Variants in RAB38 observed in about 807,000 individuals in gnomAD.
The protein encoded by RAB38 is ras-related protein Rab-38.
RAB38 carries 15 observed loss-of-function variants against 18.4 expected under a neutral mutation model. That is an observed-to-expected ratio of 0.82 (90% confidence interval 0.55 to 1.26). The LOEUF (loss-of-function observed/expected upper bound fraction) is 1.26, where lower values mean the gene tolerates loss of function less well. RAB38 is among the 50% of genes most tolerant of loss of function. The probability of loss-of-function intolerance (pLI) is 0.00; values close to 1 mark genes in which losing one functional copy is unlikely to be tolerated. For synonymous variants in RAB38, 101 were observed against 104.4 expected, an observed-to-expected ratio of 0.97 and a Z score of 0.20; for missense variants, 294 against 267.4, an observed-to-expected ratio of 1.10 and a Z score of -0.69.
chr11:88,039,892 T>C, the RAB38 span, among the ~76,000 whole-genome samples: 3 of 152,318 alleles, frequency 2.0e-5, no homozygotes, highest in African/African-American at 7.2e-5. Context: ...ATGTCTTTGC[T>C]GCATCTGATC....
In RAB38 at chr11:88,114,816, T is replaced by C. The variant is rs990830393; in HGVS notation, c.484-676A>G. ...ATAAGGTCTGTGAGTGAGAATCAAG[T>C]AGAGGCAAGTATCCCAATCAGCCCA... On this transcript the variant is annotated intron_variant, in intron 2 of 2. Transcript: ENST00000243662. 5.9e-5 allele frequency among the ~76,000 whole-genome samples: 9 copies of C among 152,312 alleles called. 1 individual carries two copies. Among genetic ancestry groups the C allele is most frequent in the South Asian group, 2.1e-4 (1 of 4,818 alleles).
At chr11:87,887,294 G>T in the RAB38 span, among the ~76,000 whole-genome samples, 1 of 151,640 alleles carries the variant, frequency 6.6e-6, no homozygotes, top group South Asian at 2.1e-4. Context: ...AAGGCTAGAC[G>T]TCTTTAGCAA....
At chr11:88,026,577 A>G in the RAB38 span, among the ~76,000 whole-genome samples, 1 of 150,712 alleles carries the variant, frequency 6.6e-6, no homozygotes, top group Non-Finnish European at 1.5e-5. Context: ...AAAAAAAAAA[A>G]AAAAAAAAAA....
the RAB38 span, among the ~76,000 whole-genome samples, chr11:88,100,577 T>G: frequency 6.6e-6 from 1 of 151,932 alleles, no homozygotes; most frequent in African/African-American, 2.4e-5. Flanking sequence ...TGGGGAAAAT[T>G]TTCATGGCTA....
chr11:87,968,034 C>A, the RAB38 span, among the ~76,000 whole-genome samples: 15,089 of 152,134 alleles, frequency 0.099, 785 homozygotes, highest in South Asian at 0.2. Context: ...CCAATATATT[C>A]TTTTTCAGTA....
At chr11:88,153,561 G>C (rs1943089150) in intron 1 of RAB38, among the ~76,000 whole-genome samples, 1 of 152,238 alleles carries the variant, frequency 6.6e-6, no homozygotes, top group Non-Finnish European at 1.5e-5. Flanking sequence ...CCTAAATGGG[G>C]ATCTCAGTAT....
chr11:87,971,838 G>A, the RAB38 span, among the ~76,000 whole-genome samples: 1 of 151,838 alleles, frequency 6.6e-6, no homozygotes, highest in East Asian at 1.9e-4. Flanking sequence ...AAACAATAAT[G>A]TTGTTTTTGC....
At chr11:87,824,539 C>A in the RAB38 span, among the ~76,000 whole-genome samples, 1 of 152,056 alleles carries the variant, frequency 6.6e-6, no homozygotes, top group East Asian at 1.9e-4. Flanking sequence ...ATTGACAGTT[C>A]GGAGACAGAA....
intron 1 of RAB38, among the ~76,000 whole-genome samples, chr11:88,151,831 G>A (rs1943065797): frequency 1.3e-5 from 2 of 152,144 alleles, no homozygotes; most frequent in Admixed American, 1.3e-4. Flanking sequence ...AAGGTCGAGG[G>A]CTCTGGTCCC....
chr11:88,103,232 G>A, the RAB38 span, among the ~76,000 whole-genome samples: 8 of 151,938 alleles, frequency 5.3e-5, no homozygotes, highest in African/African-American at 1.9e-4. Context: ...TTAAGACTCT[G>A]AGACATATGA....
the RAB38 span, among the ~76,000 whole-genome samples, chr11:87,935,680 G>C: frequency 4.6e-5 from 7 of 152,024 alleles, no homozygotes; most frequent in African/African-American, 1.7e-4. Context: ...TGTTGACATG[G>C]ATATAGCCAA....
At chr11:87,868,025 A>G in the RAB38 span, among the ~76,000 whole-genome samples, 163 of 151,884 alleles carry the variant, frequency 1.1e-3, 1 homozygote, top group Non-Finnish European at 1.9e-3. Context: ...CAAGATTGAT[A>G]CATGGAAATG....
At chr11:88,022,136 A>G in the RAB38 span, among the ~76,000 whole-genome samples, 1 of 152,158 alleles carries the variant, frequency 6.6e-6, no homozygotes, top group Non-Finnish European at 1.5e-5. Context: ...AACACATTGG[A>G]AAGATCATTC....
In RAB38 at chr11:88,142,797, T is replaced by C. The variant is rs115614297; in HGVS notation, c.483+6878A>G. On this transcript the variant is annotated intron_variant, in intron 2 of 2. Coordinates refer to ENST00000243662, the MANE Select transcript of RAB38 (RefSeq NM_022337.3). ...CAAAAGCAGAAAGATGAGAAAAAGATAGGTAGTTCTGACAACGGCTAGACG... is the reference window on the plus strand; with the variant it reads ...CAAAAGCAGAAAGATGAGAAAAAGACAGGTAGTTCTGACAACGGCTAGACG... Among the ~76,000 whole-genome samples the C allele has an allele frequency of 2.6e-3, 395 of 152,286 alleles. 2 individuals carry two copies. Among genetic ancestry groups the C allele is most frequent in the African/African-American group, 8.8e-3 (365 of 41,544 alleles).
the RAB38 span, among the ~76,000 whole-genome samples, chr11:88,010,918 G>T: frequency 2.0e-5 from 3 of 152,106 alleles, no homozygotes; most frequent in Admixed American, 1.3e-4. Context: ...CCAAATGTCA[G>T]AACTTATTCT....
intron 2 of RAB38, among the ~76,000 whole-genome samples, chr11:88,134,786 C>T (rs189003669): frequency 6.6e-6 from 1 of 152,338 alleles, no homozygotes; most frequent in East Asian, 1.9e-4. Flanking sequence ...CTGCAACGAT[C>T]CTTTAGATCA....
chr11:87,939,762 C>T, the RAB38 span, among the ~76,000 whole-genome samples: 83 of 152,104 alleles, frequency 5.5e-4, no homozygotes, highest in East Asian at 0.015. Context: ...CATGGTGGCT[C>T]ACGCCTGTAT....
the RAB38 span, among the ~76,000 whole-genome samples, chr11:87,807,874 G>A: frequency 6.6e-6 from 1 of 152,160 alleles, no homozygotes; most frequent in Non-Finnish European, 1.5e-5. Context: ...CAAGAACAAA[G>A]TCACTGCTAT....
chr11:87,934,414 A>G, the RAB38 span, among the ~76,000 whole-genome samples: 1 of 152,126 alleles, frequency 6.6e-6, no homozygotes, highest in East Asian at 1.9e-4. Context: ...AAGACAAATA[A>G]ATGAATTATA....
Sources: allele counts gnomAD v4.1 joint callset (sites outside exome capture counted in the v4.1 genomes callset), GRCh38; gene constraint gnomAD v4.1.1; transcripts MANE v1.5; gene names NCBI Gene and HGNC (gene_info 2026-07-23, HGNC 2026-07-21).